Variants in MUC5AC observed in about 807,000 individuals in gnomAD.
The protein encoded by MUC5AC is mucin 5AC, oligomeric mucus/gel-forming, also known as mucin-5AC.
Under a neutral mutation model 169.7 loss-of-function variants are expected in MUC5AC, and 158 were observed. That is an observed-to-expected ratio of 0.93 (90% confidence interval 0.82 to 1.06). The LOEUF (loss-of-function observed/expected upper bound fraction) is 1.06, where lower values mean the gene tolerates loss of function less well. Ranked by LOEUF, MUC5AC falls within the 50% of genes least tolerant of loss-of-function variation. The probability of loss-of-function intolerance (pLI) is 0.00; values close to 1 mark genes in which losing one functional copy is unlikely to be tolerated. For synonymous variants in MUC5AC, 1,975 were observed against 1,237.0 expected, an observed-to-expected ratio of 1.60 and a Z score of -12.52; for missense variants, 4,359 against 3,089.9, an observed-to-expected ratio of 1.41 and a Z score of -9.74.
chr11:1,177,950 C>T (rs920026016), intron 24 of MUC5AC, among the ~76,000 whole-genome samples: 7 of 152,162 alleles, frequency 4.6e-5, no homozygotes, highest in Non-Finnish European at 1.0e-4. Flanking sequence ...CTTTTGGCCC[C>T]TTGCATCTGC....
rs1860742244 is a variant in MUC5AC, at chr11:1,178,613, TCCGCAA to T, written c.3258_3263del (p.Phe1086_Lys1088delinsLeu). The T allele has an allele frequency of 7.1e-7, 1 of 1,404,924 alleles. No homozygotes were observed. The highest frequency in any genetic ancestry group is 1.5e-5 in the African/African-American group (1 of 67,618). 87.0% of individuals were successfully genotyped at this position (1,404,924 alleles called of 1,614,324 possible). ...AAGGACCCCTGCACGGCCAACCCCT[TCCGCAA>T]GTCCTGGGCCCAGAAGCAGTGCAGC... On this transcript the variant is annotated inframe_deletion, in exon 25 of 49. Coordinates refer to ENST00000621226, the MANE Select transcript of MUC5AC (RefSeq NM_001304359.2).
At chr11:1,160,579 C>A (rs767469110) in intron 1 of MUC5AC, 33 bp from the exon 2 acceptor site, 9 of 1,581,354 alleles carry the variant, frequency 5.7e-6, no homozygotes, top group African/African-American at 1.3e-5. Context: ...AGCCACCCTG[C>A]ATCTGGGCTC....
At position 1,199,880 on chromosome 11, in the gene MUC5AC, G is replaced by A; in HGVS notation, c.16611G>A (p.Arg5537=). ...QNQSTCAVYH[R]SLIIQQQGCS... ...AGTCGACCTGTGCTGTGTACCATAG[G>A]AGCCTGATCATCCAGCAGCAGGGCT... is the stretch of plus-strand genomic sequence containing the variant. The change falls in exon 48 of 49, where the codon AGG becomes AGA. Residue 5537 remains arginine (R), a synonymous_variant. Transcript: ENST00000621226. The A allele has an allele frequency of 1.3e-6, 1 of 764,436 alleles. No homozygotes were observed. Among genetic ancestry groups the A allele is most frequent in the Non-Finnish European group, 2.4e-6 (1 of 417,588 alleles). The allele number at this position is 764,436 out of a possible 1,614,324, so 47.4% of individuals were successfully genotyped here.
chr11:1,194,538 G>A lies in MUC5AC; in HGVS notation c.15058G>A (p.Val5020Met), dbSNP rs751208171. ...CCCCGGCTTCCGGAAAAACGGCATCGTGGTCTCGCGCATCGGCGTCAAGAT... is the reference window on the plus strand; with the variant it reads ...CCCCGGCTTCCGGAAAAACGGCATCATGGTCTCGCGCATCGGCGTCAAGAT... ...VSPGFRKNGIVVSRIGVKMYA... is the reference protein window; with the variant it reads ...VSPGFRKNGIMVSRIGVKMYA... The change falls in exon 35 of 49, where the codon GTG (valine) becomes ATG (methionine). Residue 5020 changes from valine to methionine, a missense_variant. Coordinates refer to ENST00000621226, the MANE Select transcript of MUC5AC (RefSeq NM_001304359.2). 7.9e-6 allele frequency: 6 copies of A among 763,666 alleles called. No individual in the cohort carries two copies. Among genetic ancestry groups the A allele is most frequent in the South Asian group, 2.7e-5 (2 of 74,416 alleles). The allele number at this position is 763,666 out of a possible 1,614,324, so 47.3% of individuals were successfully genotyped here. A position where few individuals can be genotyped will look rare whatever the true frequency, so the allele number is the denominator to read the frequency against.
chr11:1,174,644 C>T, intron 17 of MUC5AC, 22 bp downstream of exon 17: 6 of 930,028 alleles, frequency 6.5e-6, no homozygotes, highest in Non-Finnish European at 9.7e-6. Context: ...CCAAGCCCAG[C>T]CCCTTTCCCT....
At chr11:1,180,729 G>C (rs1172522926) in intron 28 of MUC5AC, among the ~76,000 whole-genome samples, 2 of 152,288 alleles carry the variant, frequency 1.3e-5, no homozygotes, top group East Asian at 3.9e-4. Context: ...GGGACTGGGT[G>C]TAGGGCTCCT....
In MUC5AC at chr11:1,189,332, C is replaced by A. The variant is rs1214127361; in HGVS notation, c.11187C>A (p.Thr3729=). ...TTSSAPTSST[T]SAPTTSTISA... is the part of the protein sequence containing the mutation. Reference sequence around the variant, plus strand: ...CCTCTGCCCCTACAAGCAGCACAACCTCGGCTCCTACCACCAGCACAATCT... The same window carrying A: ...CCTCTGCCCCTACAAGCAGCACAACATCGGCTCCTACCACCAGCACAATCT... Residue 3729 remains threonine (T), a synonymous_variant, in exon 31 of 49, where the codon ACC becomes ACA. Transcript: ENST00000621226. The A allele has an allele frequency of 5.2e-6, 3 of 577,724 alleles. No individual in the cohort carries two copies. Among genetic ancestry groups the A allele is most frequent in the East Asian group, 5.6e-5 (2 of 35,942 alleles). The allele number at this position is 577,724 out of a possible 1,614,324, so 35.8% of individuals were successfully genotyped here. A position where few individuals can be genotyped will look rare whatever the true frequency, so the allele number is the denominator to read the frequency against.
Position 1,186,523 on chromosome 11 carries a change from C to A in MUC5AC, c.8378C>A (p.Thr2793Lys), listed in dbSNP as rs1435597450. Residue 2793 changes from threonine to lysine, a missense_variant, in exon 31 of 49, where the codon ACA becomes AAA. Thr to Lys is a moderately conservative substitution (Grantham distance 78). Transcript: ENST00000621226. ...ACAACCAGCACAACTTTGTCTCCTACAACCAGCACAACCTCTACTACTATA... is the reference window on the plus strand; with the variant it reads ...ACAACCAGCACAACTTTGTCTCCTAAAACCAGCACAACCTCTACTACTATA... The part of the protein sequence containing the change: ...APTTSTTLSP[T>K]TSTTSTTITS... 5.2e-3 allele frequency: 3,598 copies of A among 696,518 alleles called. 14 individuals carry two copies. Among genetic ancestry groups the A allele is most frequent in the Non-Finnish European group, 7.9e-3 (3,003 of 381,330 alleles). The allele number at this position is 696,518 out of a possible 1,614,324, so 43.1% of individuals were successfully genotyped here. A position where few individuals can be genotyped will look rare whatever the true frequency, so the allele number is the denominator to read the frequency against.
At chr11:1,165,507 G>A (rs56220842) in intron 10 of MUC5AC, 88 bp downstream of exon 10, 106 of 1,578,494 alleles carry the variant, frequency 6.7e-5, no homozygotes, top group Non-Finnish European at 7.9e-5. Flanking sequence ...AGGCTCCCTC[G>A]TCTGGGCTAC....
intron 11 of MUC5AC, 58 bp from the exon 12 acceptor site, chr11:1,167,819 C>A: frequency 7.0e-7 from 1 of 1,427,224 alleles, no homozygotes. Flanking sequence ...ACTGGCAGGG[C>A]CAGGTGGGCT....
chr11:1,191,657 C>T lies in MUC5AC; in HGVS notation c.13512C>T (p.Ser4504=), dbSNP rs1861103419. The T allele has an allele frequency of 1.7e-6, 1 of 592,374 alleles. No homozygotes were observed. The highest frequency in any genetic ancestry group is 2.7e-5 in the African/African-American group (1 of 37,112). 36.7% of individuals were successfully genotyped at this position (592,374 alleles called of 1,614,324 possible). The change falls in exon 31 of 49, where the codon AGC becomes AGT. Residue 4504 remains serine, a synonymous_variant. Coordinates refer to ENST00000621226, the MANE Select transcript of MUC5AC (RefSeq NM_001304359.2). The part of the protein sequence containing the change: ...TTSTTSASTA[S]TTSGPGTTPS... ...GCACAACCTCTGCCTCTACAGCCAG[C>T]ACAACCTCTGGTCCTGGAACTACTC...
In MUC5AC at chr11:1,183,315, G is replaced by A; in HGVS notation, c.5170G>A (p.Gly1724Arg). 6.5e-6 allele frequency: 3 copies of A among 462,204 alleles called. No homozygotes were observed. The highest frequency in any genetic ancestry group is 7.3e-6 in the Non-Finnish European group (2 of 274,914). The allele number at this position is 462,204 out of a possible 1,614,324, so 28.6% of individuals were successfully genotyped here. ...TEQPTATSRG[G>R]PTATSVTQGT... is the part of the protein sequence containing the mutation. The stretch of plus-strand genomic sequence containing the variant: ...GCAACCCACGGCAACCTCCAGGGGT[G>A]GGCCCACAGCAACCAGCGTCACACA... Residue 1724 changes from glycine to arginine, a missense_variant, in exon 31 of 49, where the codon GGG (glycine) becomes AGG (arginine). Physicochemically the swap from Gly to Arg is moderately radical, Grantham distance 125. Transcript: ENST00000621226.
At chr11:1,163,793 G>T in intron 6 of MUC5AC, 89 bp from the exon 7 acceptor site, 1 of 1,056,788 alleles carries the variant, frequency 9.5e-7, no homozygotes, top group South Asian at 1.4e-5. Flanking sequence ...CCCACCCCAG[G>T]GACCCGGCCC....
chr11:1,192,719 G>A, intron 31 of MUC5AC, 64 bp from the exon 32 acceptor site: 1 of 700,678 alleles, frequency 1.4e-6, no homozygotes, highest in East Asian at 2.5e-5. Context: ...CTGGCTCTGG[G>A]AGTTTTTTGC....
Position 1,188,111 on chromosome 11 carries a change from C to T in MUC5AC, c.9966C>T (p.Thr3322=). 1 of 736,062 alleles carries T rather than the reference C, an allele frequency of 1.4e-6. No individual in the cohort carries two copies. The highest frequency in any genetic ancestry group is 2.5e-6 in the Non-Finnish European group (1 of 401,376). The allele number at this position is 736,062 out of a possible 1,614,324, so 45.6% of individuals were successfully genotyped here. Residue 3322 remains threonine, a synonymous_variant, in exon 31 of 49, where the codon ACC becomes ACT. Transcript: ENST00000621226. Reference sequence around the variant, plus strand: ...AGGTGCGTGTGCTCTGCTGCGAGACCCCTAAAGGTTGCCCCGTGACCTCCA... The same window carrying T: ...AGGTGCGTGTGCTCTGCTGCGAGACTCCTAAAGGTTGCCCCGTGACCTCCA... ...NYEVRVLCCE[T]PKGCPVTSTP...
At chr11:1,170,785 CTATTCACT>C (rs1860490036) in intron 15 of MUC5AC, among the ~76,000 whole-genome samples, 1 of 137,440 alleles carries the variant, frequency 7.3e-6, no homozygotes, top group East Asian at 2.3e-4. Context: ...ACCCACTCAC[CTATTCACT>C]CACTCACTCA....
Position 1,180,484 on chromosome 11 carries a change from A to T in MUC5AC, c.3744A>T (p.Ala1248=). 2.5e-6 allele frequency: 1 copy of T among 398,922 alleles called. No individual in the cohort carries two copies. The highest frequency in any genetic ancestry group is 1.3e-4 in the South Asian group (1 of 7,870). The allele number at this position is 398,922 out of a possible 1,614,324, so 24.7% of individuals were successfully genotyped here. ...ATGGGAAGTCCTACCGGCCAGGTGC[A>T]GTGGTGCCCTCGGACAAGAACTGCC... ...HVHGKSYRPG[A]VVPSDKNCQS... The change falls in exon 28 of 49, where the codon GCA becomes GCT. Residue 1248 remains alanine, a synonymous_variant. Coordinates refer to ENST00000621226, the MANE Select transcript of MUC5AC (RefSeq NM_001304359.2).
At chr11:1,159,148 G>A (rs1421379571) in intron 1 of MUC5AC, among the ~76,000 whole-genome samples, 5 of 152,152 alleles carry the variant, frequency 3.3e-5, no homozygotes, top group Admixed American at 2.0e-4. Flanking sequence ...ACACCCCTCC[G>A]CCCACTGACG....
At position 1,197,456 on chromosome 11, in the gene MUC5AC, C is replaced by T; in HGVS notation, c.15862-12C>T. Reference sequence around the variant, plus strand: ...CGCTGCGGACGCTGGACCTCAGTCCCCTTCCTTGCAGGTGGGCCACACCGT... The same window carrying T: ...CGCTGCGGACGCTGGACCTCAGTCCTCTTCCTTGCAGGTGGGCCACACCGT... On this transcript the variant is annotated splice_polypyrimidine_tract_variant and intron_variant, in intron 40 of 48. Transcript: ENST00000621226. 1 of 706,948 alleles carries T rather than the reference C, an allele frequency of 1.4e-6. No individual in the cohort carries two copies. The highest frequency in any genetic ancestry group is 2.6e-6 in the Non-Finnish European group (1 of 388,792). The allele number at this position is 706,948 out of a possible 1,614,324, so 43.8% of individuals were successfully genotyped here.
Sources: gnomAD v4.1 joint callset for allele counts (sites outside exome capture counted in the v4.1 genomes callset) on GRCh38, gnomAD v4.1.1 for gene constraint, MANE v1.5 for transcripts, NCBI Gene and HGNC (gene_info 2026-07-23, HGNC 2026-07-21) for gene names.